VWA3B: variants seen among roughly 807,000 people sequenced by gnomAD.
The protein encoded by VWA3B is von Willebrand factor A domain-containing protein 3B.
Under a neutral mutation model 158.3 loss-of-function variants are expected in VWA3B, and 138 were observed. The observed-to-expected ratio is 0.87, with a 90% CI of 0.76 to 1.00. The LOEUF is 1.00. Among genes scored for constraint, VWA3B ranks in the 50% least tolerant of loss-of-function variants. The pLI is 0.00. For missense variants in VWA3B, 1,555 were observed against 1,565.1 expected (o/e 0.99, Z 0.11); for synonymous variants, 596 against 587.3 (o/e 1.01, Z -0.21).
chr2:98,236,865 G>A (rs1685732575), intron 19 of VWA3B, 135 bp downstream of exon 19: 3 of 1,267,620 alleles, frequency 2.4e-6, no homozygotes, highest in East Asian at 2.4e-5. Flanking sequence ...TGTAAAGGCA[G>A]TAAAAGGGAG....
intron 21 of VWA3B, among the ~76,000 whole-genome samples, chr2:98,257,217 T>C (rs1178745299): frequency 1.3e-5 from 2 of 152,230 alleles, no homozygotes; most frequent in Admixed American, 6.5e-5. Flanking sequence ...TGTCTTTCTG[T>C]GCCGGGCTTA....
intron 24 of VWA3B, among the ~76,000 whole-genome samples, chr2:98,298,402 C>CTATTCTATTT (rs1219474843): frequency 2.7e-5 from 4 of 149,328 alleles, no homozygotes; most frequent in African/African-American, 1.0e-4. Flanking sequence ...CTATTCTATT[C>CTATTCTATTT]TATTCTATTC....
At chr2:98,264,849 T>C (rs185493714) in intron 21 of VWA3B, among the ~76,000 whole-genome samples, 1 of 152,180 alleles carries the variant, frequency 6.6e-6, no homozygotes, top group African/African-American at 2.4e-5. Flanking sequence ...ATTTCTTCAG[T>C]TCTGTCAAAG....
chr2:98,112,682 T>A (rs1674234518), intron 2 of VWA3B, among the ~76,000 whole-genome samples: 1 of 152,188 alleles, frequency 6.6e-6, no homozygotes, highest in African/African-American at 2.4e-5. Context: ...CTGTAGGGTT[T>A]TTTTTAATCA....
intron 3 of VWA3B, 60 bp downstream of exon 3, chr2:98,115,806 A>G (rs899018898): frequency 5.0e-6 from 7 of 1,392,926 alleles, no homozygotes; most frequent in Non-Finnish European, 7.1e-6. Context: ...CACATCGGAG[A>G]GTGCAGTGTG....
At chr2:98,211,528 A>G (rs189554680) in intron 12 of VWA3B, among the ~76,000 whole-genome samples, 47 of 152,360 alleles carry the variant, frequency 3.1e-4, no homozygotes, top group Admixed American at 1.6e-3. Context: ...CACGTTTACC[A>G]AATATTGGGT....
At chr2:98,159,165 T>C (rs1678360911) in intron 7 of VWA3B, among the ~76,000 whole-genome samples, 1 of 152,240 alleles carries the variant, frequency 6.6e-6, no homozygotes, top group Non-Finnish European at 1.5e-5. Flanking sequence ...TACTAGGTGC[T>C]AATGAAAAAC....
chr2:98,230,025 C>T lies in VWA3B; in HGVS notation c.2151-25C>T, dbSNP rs759528765. On this transcript the variant is annotated intron_variant, in intron 15 of 27. Coordinates refer to ENST00000477737, the MANE Select transcript of VWA3B (RefSeq NM_144992.5). The stretch of plus-strand genomic sequence containing the variant: ...TTTCTTTTCTCTCTCTTTTTTTGCT[C>T]GACTTTTTATCTAAATCAAAACAGG... The T allele has an allele frequency of 9.7e-6, 15 of 1,542,154 alleles. No individual in the cohort carries two copies. In the East Asian group the frequency reaches 2.1e-4, roughly 21 times the overall value.
chr2:98,096,069 C>A (rs1305639237), intron 2 of VWA3B, among the ~76,000 whole-genome samples: 6 of 152,040 alleles, frequency 3.9e-5, no homozygotes, highest in African/African-American at 1.4e-4. Flanking sequence ...GGGGTATTGG[C>A]CTGTAAGTTT....
At chr2:98,301,498 CATGTAAAAG>C (rs1287524777) in intron 25 of VWA3B, among the ~76,000 whole-genome samples, 14 of 152,124 alleles carry the variant, frequency 9.2e-5, no homozygotes, top group African/African-American at 3.4e-4. Flanking sequence ...GAAGAAAAGA[CATGTAAAAG>C]ATGTAAAAGA....
intron 9 of VWA3B, among the ~76,000 whole-genome samples, chr2:98,186,716 G>A (rs1301222246): frequency 3.3e-5 from 5 of 151,746 alleles, no homozygotes; most frequent in Non-Finnish European, 5.9e-5. Context: ...GGCTGCCCGG[G>A]GCCATGCAAC....
intron 7 of VWA3B, among the ~76,000 whole-genome samples, chr2:98,138,139 G>A (rs762929532): frequency 6.6e-6 from 1 of 152,144 alleles, no homozygotes; most frequent in Non-Finnish European, 1.5e-5. Flanking sequence ...TTCAACCTCT[G>A]TCTGAATGTC....
At chr2:98,262,724 C>G (rs1355228252) in intron 21 of VWA3B, among the ~76,000 whole-genome samples, 1 of 151,754 alleles carries the variant, frequency 6.6e-6, no homozygotes, top group Non-Finnish European at 1.5e-5. Flanking sequence ...AAGTATGAGG[C>G]CTCCAACTCT....
At chr2:98,244,612 T>C (rs1686276889) in intron 19 of VWA3B, among the ~76,000 whole-genome samples, 1 of 152,154 alleles carries the variant, frequency 6.6e-6, no homozygotes, top group Admixed American at 6.5e-5. Flanking sequence ...AATTTATATA[T>C]AGTTTTAGTG....
intron 19 of VWA3B, among the ~76,000 whole-genome samples, chr2:98,249,570 C>T (rs1014546899): frequency 2.0e-5 from 3 of 152,086 alleles, no homozygotes; most frequent in Non-Finnish European, 4.4e-5. Flanking sequence ...GGGAAGGAGA[C>T]CAGAATTTGA....
intron 20 of VWA3B, among the ~76,000 whole-genome samples, chr2:98,252,120 C>T (rs1251283158): frequency 6.6e-6 from 1 of 152,054 alleles, no homozygotes; most frequent in Non-Finnish European, 1.5e-5. Context: ...AGAGACCTCT[C>T]GGGAGCTCCT....
At chr2:98,263,035 T>C (rs1014601522) in intron 21 of VWA3B, among the ~76,000 whole-genome samples, 2 of 151,938 alleles carry the variant, frequency 1.3e-5, no homozygotes, top group Non-Finnish European at 2.9e-5. Flanking sequence ...TTTTTGGTGC[T>C]ATTGTAGATG....
intron 24 of VWA3B, among the ~76,000 whole-genome samples, chr2:98,298,776 G>A (rs1266492547): frequency 6.6e-6 from 1 of 152,368 alleles, no homozygotes; most frequent in South Asian, 2.1e-4. Flanking sequence ...GGTGGGAATG[G>A]GCCCGAGCAA....
At chr2:98,131,894 G>T (rs1675902032) in intron 6 of VWA3B, among the ~76,000 whole-genome samples, 1 of 152,166 alleles carries the variant, frequency 6.6e-6, no homozygotes, top group African/African-American at 2.4e-5. Context: ...AATTTTCATT[G>T]TTAACAAGAC....
Sources: allele counts gnomAD v4.1 joint callset (sites outside exome capture counted in the v4.1 genomes callset), GRCh38; gene constraint gnomAD v4.1.1; transcripts MANE v1.5; gene names NCBI Gene and HGNC (gene_info 2026-07-23, HGNC 2026-07-21).